The following NELL2 variants were observed in gnomAD, a reference collection of about 807,000 sequenced individuals.
NELL2 encodes neural EGFL like 2.
NELL2 carries 41 observed loss-of-function variants against 109.6 expected under a neutral mutation model. The observed-to-expected ratio is 0.37, with a 90% confidence interval of 0.29 to 0.49. The LOEUF is 0.49. Among genes scored for constraint, NELL2 ranks in the 20% least tolerant of loss-of-function variants. The probability of loss-of-function intolerance (pLI) is 0.98; values close to 1 mark genes in which losing one functional copy is unlikely to be tolerated. For missense variants in NELL2, 900 were observed against 1,008.3 expected (o/e 0.89, Z 1.45); for synonymous variants, 355 against 344.7 (o/e 1.03, Z -0.33).
intron 15 of NELL2, among the ~76,000 whole-genome samples, chr12:44,585,454 T>C (rs1450760946): frequency 6.6e-6 from 1 of 151,876 alleles, no homozygotes; most frequent in African/African-American, 2.4e-5. Flanking sequence ...ATACAAAAAT[T>C]ATCTGGGTGT....
intron 2 of NELL2, among the ~76,000 whole-genome samples, chr12:44,841,125 G>A (rs932035833): frequency 1.3e-5 from 2 of 152,138 alleles, no homozygotes; most frequent in African/African-American, 2.4e-5. Flanking sequence ...CAATATCTCA[G>A]AAACCTTTTA....
At chr12:44,597,004 C>T (rs1179499407) in intron 15 of NELL2, among the ~76,000 whole-genome samples, 1 of 152,164 alleles carries the variant, frequency 6.6e-6, no homozygotes, top group Non-Finnish European at 1.5e-5. Flanking sequence ...AAGTCAATGC[C>T]ATCTTGTCCC....
At chr12:44,666,637 A>C (rs1947934707) in intron 12 of NELL2, among the ~76,000 whole-genome samples, 1 of 152,202 alleles carries the variant, frequency 6.6e-6, no homozygotes, top group South Asian at 2.1e-4. Flanking sequence ...AGGAATCTAT[A>C]TTTTAGAACT....
chr12:44,795,850 G>A (rs1482769526), intron 3 of NELL2, among the ~76,000 whole-genome samples: 1 of 152,120 alleles, frequency 6.6e-6, no homozygotes, highest in African/African-American at 2.4e-5. Flanking sequence ...CACATGTTAA[G>A]GGAGATGGGA....
intron 2 of NELL2, among the ~76,000 whole-genome samples, chr12:44,831,233 G>A (rs191635222): frequency 3.9e-5 from 6 of 152,094 alleles, no homozygotes; most frequent in African/African-American, 1.2e-4. Context: ...AATCTCTAGC[G>A]CTAATTTAAC....
intron 13 of NELL2, among the ~76,000 whole-genome samples, chr12:44,614,715 T>G (rs1945756323): frequency 6.6e-6 from 1 of 152,052 alleles, no homozygotes; most frequent in South Asian, 2.1e-4. Context: ...CATAATAACA[T>G]GGACTTAAGA....
At chr12:44,597,871 A>T (rs1945030059) in intron 15 of NELL2, among the ~76,000 whole-genome samples, 1 of 152,218 alleles carries the variant, frequency 6.6e-6, no homozygotes, top group African/African-American at 2.4e-5. Flanking sequence ...AAGAGATCAG[A>T]ATTAAGGATC....
intron 13 of NELL2, among the ~76,000 whole-genome samples, chr12:44,645,981 C>T (rs543414970): frequency 6.6e-6 from 1 of 152,196 alleles, no homozygotes; most frequent in African/African-American, 2.4e-5. Context: ...AATCAATTCA[C>T]TTTGTCTTTT....
At chr12:44,759,455 G>A (rs1708060287) in intron 9 of NELL2, among the ~76,000 whole-genome samples, 1 of 152,170 alleles carries the variant, frequency 6.6e-6, no homozygotes, top group Non-Finnish European at 1.5e-5. Context: ...CTAGTTGAAA[G>A]ATGACATGGA....
Position 44,777,051 on chromosome 12 carries a change from T to C in NELL2, c.753A>G (p.Thr251=), listed in dbSNP as rs774619754. 5 of 1,614,000 alleles carry C rather than the reference T, an allele frequency of 3.1e-6. No homozygotes were observed. The highest frequency in any genetic ancestry group is 2.2e-5 in the East Asian group (1 of 44,860). Residue 251 remains threonine (T), a synonymous_variant, in exon 7 of 20, where the codon ACA becomes ACG. Transcript: ENST00000429094. ...CTTGAGTAGCTTTTACCTTGGCTGA[T>C]GTTTTGGCTAAAATATCCTGTAGCT... ...IMELQDILAK[T]SAKLSRAEQR...
At chr12:44,891,639 G>T (rs1566598841) in intron 1 of NELL2, among the ~76,000 whole-genome samples, 1 of 151,640 alleles carries the variant, frequency 6.6e-6, no homozygotes, top group Non-Finnish European at 1.5e-5. Flanking sequence ...TCCTCCTGTG[G>T]GTCATGATTC....
intron 12 of NELL2, among the ~76,000 whole-genome samples, chr12:44,689,686 G>A (rs1027789232): frequency 6.6e-6 from 1 of 152,184 alleles, no homozygotes; most frequent in African/African-American, 2.4e-5. Context: ...TCTCAACTGA[G>A]AGCAATTTTG....
intron 12 of NELL2, among the ~76,000 whole-genome samples, chr12:44,678,964 G>A (rs527485210): frequency 2.8e-4 from 42 of 152,194 alleles, no homozygotes; most frequent in African/African-American, 1.0e-3. Flanking sequence ...CAGCTATAAA[G>A]GGGAAACGGC....
intron 1 of NELL2, among the ~76,000 whole-genome samples, chr12:44,883,023 T>G (rs1039867845): frequency 1.4e-5 from 2 of 144,892 alleles, no homozygotes; most frequent in Non-Finnish European, 3.0e-5. Context: ...TTTTTTTTTT[T>G]GGATTTTTAG....
intron 15 of NELL2, among the ~76,000 whole-genome samples, chr12:44,543,186 A>G (rs1942653348): frequency 6.6e-6 from 1 of 152,156 alleles, no homozygotes; most frequent in Admixed American, 6.5e-5. Context: ...CTCCTTCTGA[A>G]GTCTCCCTGT....
intron 2 of NELL2, among the ~76,000 whole-genome samples, chr12:44,861,944 A>G (rs1478572475): frequency 6.6e-6 from 1 of 152,234 alleles, no homozygotes; most frequent in East Asian, 1.9e-4. Context: ...TGACTTCAAC[A>G]CAAGCAACAA....
chr12:44,909,214 T>C lies in NELL2; in HGVS notation c.38+4585A>G, dbSNP rs1322984848. ...TCCACCAAAAGGCTACTGAAACTGA[T>C]AAATAACTTCAGTAAAGTTTCAGAA... is the stretch of plus-strand genomic sequence containing the variant. On this transcript the variant is annotated intron_variant, in intron 1 of 20. Coordinates refer to the NELL2 transcript ENST00000333837. Among the ~76,000 whole-genome samples the C allele has an allele frequency of 2.0e-5, 3 of 151,938 alleles. No homozygotes were observed. In the East Asian group the frequency reaches 5.8e-4, roughly 29 times the overall value.
At chr12:44,821,729 T>G (rs925160020) in intron 2 of NELL2, among the ~76,000 whole-genome samples, 1 of 151,922 alleles carries the variant, frequency 6.6e-6, no homozygotes, top group Admixed American at 6.6e-5. Context: ...AATTAATTTT[T>G]TTTTTTTAGA....
chr12:44,666,451 C>T (rs937097580), intron 12 of NELL2, among the ~76,000 whole-genome samples: 12 of 152,178 alleles, frequency 7.9e-5, no homozygotes, highest in African/African-American at 2.9e-4. Context: ...TCTGCATTCT[C>T]ATATCCTTCT....
Sources: gnomAD v4.1 joint callset for allele counts (sites outside exome capture counted in the v4.1 genomes callset) on GRCh38, gnomAD v4.1.1 for gene constraint, MANE v1.5 for transcripts, NCBI Gene and HGNC (gene_info 2026-07-23, HGNC 2026-07-21) for gene names.